Variants in SALL1 observed in about 807,000 individuals in gnomAD.
The protein encoded by SALL1 is sal-like protein 1.
A neutral mutation model predicts 73.1 loss-of-function variants in SALL1; 10 were observed. The observed-to-expected ratio is 0.14, with a 90% CI of 0.08 to 0.23. SALL1 has a LOEUF of 0.23. SALL1 is among the 10% of genes least tolerant of loss of function. The pLI, the probability that SALL1 is intolerant of heterozygous loss-of-function variation, is 1.00. For synonymous variants in SALL1, 688 were observed against 689.8 expected (o/e 1.00, Z 0.04); for missense variants, 1,520 against 1,697.3 (o/e 0.90, Z 1.84).
Position 51,140,442 on chromosome 16 carries a change from C to A in SALL1, c.1780G>T (p.Asp594Tyr), listed in dbSNP as rs774380181. Residue 594 changes from aspartate to tyrosine, a missense_variant, in exon 2 of 3, where the codon GAC (aspartate) becomes TAC (tyrosine). Physicochemically the swap from Asp to Tyr is radical, Grantham distance 160. This residue lies in a region of SALL1 where 276 missense variants were observed against 259.1 expected (regional missense o/e 1.07). Coordinates refer to ENST00000251020, the MANE Select transcript of SALL1 (RefSeq NM_002968.3). The surrounding 1 kb of genome is among the most constrained non-coding windows in gnomAD (Gnocchi z 5.7). ...GTGGCTGACTCAGGGCCCCCGGAGT[C>A]ACTTTTGACTGAGCCTGGGGGGCTG... Reference protein sequence around the residue: ...ATSPPGSVKSDSGGPESATRN... With the variant: ...ATSPPGSVKSYSGGPESATRN... The A allele has an allele frequency of 1.2e-6, 2 of 1,613,898 alleles. No homozygotes were observed. Among genetic ancestry groups the A allele is most frequent in the Non-Finnish European group, 1.7e-6 (2 of 1,179,892 alleles).
Position 51,140,275 on chromosome 16 carries a change from G to C in SALL1, c.1947C>G (p.Cys649Trp). ...AGGTGGTGGCACTGCCCGCGGGGCCGCAGTCTGCCGCTGGGGAGCTCAGGA... is the reference window on the plus strand; with the variant it reads ...AGGTGGTGGCACTGCCCGCGGGGCCCCAGTCTGCCGCTGGGGAGCTCAGGA... ...SSVLSSPAAD[C>W]GPAGSATTFT... The change falls in exon 2 of 3, where the codon TGC becomes TGG. Residue 649 changes from cysteine to tryptophan, a missense_variant. By Grantham distance (215) the Cys-to-Trp change is radical. Coordinates refer to ENST00000251020, the MANE Select transcript of SALL1 (RefSeq NM_002968.3). This position sits in a 1 kb window ranked among gnomAD's most constrained non-coding sequence, Gnocchi z 5.7. 6.2e-7 allele frequency: 1 copy of C among 1,614,102 alleles called. No individual in the cohort carries two copies. Among genetic ancestry groups the C allele is most frequent in the Non-Finnish European group, 8.5e-7 (1 of 1,180,040 alleles).
At chr16:51,137,636 CTG>C (rs1372392467) in intron 2 of SALL1, 84 bp from the exon 3 acceptor site, 8 of 1,031,952 alleles carry the variant, frequency 7.8e-6, no homozygotes, top group African/African-American at 1.6e-5. Flanking sequence ...ATAGCTGAAT[CTG>C]TCTCAACTCA....
intron 1 of SALL1, among the ~76,000 whole-genome samples, chr16:51,145,449 T>C (rs958568905): frequency 3.9e-5 from 6 of 152,120 alleles, no homozygotes; most frequent in African/African-American, 1.4e-4. Context: ...CCTAGTCAGA[T>C]AGCAAAATTT....
In SALL1 at chr16:51,139,370, G is replaced by C. The variant is rs766899404; in HGVS notation, c.2852C>G (p.Ala951Gly). Residue 951 changes from alanine to glycine, a missense_variant, in exon 2 of 3, where the codon GCG (alanine) becomes GGG (glycine). Coordinates refer to ENST00000251020, the MANE Select transcript of SALL1 (RefSeq NM_002968.3). ...SPSIEEKPQR[A>G]VPSEFANGLS... ...ACCATTGGCAAACTCGCTTGGGACC[G>C]CTCTCTGTGGTTTCTCCTCAATGCT... is the stretch of plus-strand genomic sequence containing the variant. 5 of 1,614,122 alleles carry C rather than the reference G, an allele frequency of 3.1e-6. No homozygotes were observed. The South Asian group carries it at 5.5e-5, about 18-fold the overall frequency.
chr16:51,145,243 C>CAT (rs3037202), intron 1 of SALL1, among the ~76,000 whole-genome samples: 13 of 142,806 alleles, frequency 9.1e-5, no homozygotes, highest in Non-Finnish European at 2.0e-4. Context: ...CACACACACA[C>CAT]GTACACACGA....
At chr16:51,150,838 G>C (rs1460923454) in intron 1 of SALL1, 2 of 260,882 alleles carry the variant, frequency 7.7e-6, no homozygotes, top group African/African-American at 4.4e-5. Context: ...GGGCTCCCGG[G>C]TCTTGGCCGC....
intron 2 of SALL1, 49 bp from the exon 3 acceptor site, chr16:51,137,601 A>G: frequency 6.9e-7 from 1 of 1,445,028 alleles, no homozygotes; most frequent in Non-Finnish European, 9.7e-7. Flanking sequence ...AGAGAGAAAA[A>G]AAAGAGGAGG....
chr16:51,138,366 G>GCCGT (rs1555474845), intron 2 of SALL1, among the ~76,000 whole-genome samples: 70 of 152,172 alleles, frequency 4.6e-4, no homozygotes, highest in Admixed American at 2.3e-3. Context: ...GCAACGCTAG[G>GCCGT]CTTTCTTGGT....
At chr16:51,144,638 T>A (rs2143459672) in intron 1 of SALL1, among the ~76,000 whole-genome samples, 2 of 152,302 alleles carry the variant, frequency 1.3e-5, no homozygotes, top group South Asian at 4.1e-4. Flanking sequence ...TCTGATATTC[T>A]CATAATATAC....
In SALL1 at chr16:51,141,254, T is replaced by C; in HGVS notation, c.968A>G (p.Gln323Arg). 1 of 1,614,168 alleles carries C rather than the reference T, an allele frequency of 6.2e-7. No individual in the cohort carries two copies. The change falls in exon 2 of 3, where the codon CAG (glutamine) becomes CGG (arginine). Residue 323 changes from glutamine to arginine, a missense_variant. Transcript: ENST00000251020. This position sits in a 1 kb window ranked among gnomAD's most constrained non-coding sequence, Gnocchi z 5.4. ...VKQLPPIQLP[Q>R]SSSGNTIIPS... ...AATGATGGTGTTGCCAGAACTGCTC[T>C]GAGGTAGCTGGATTGGGGGTAGCTG...
rs375357921 is a variant in SALL1, at chr16:51,138,895, C to T, written c.3327G>A (p.Pro1109=). ...DSKDTPTSHV[P]SGPLSSSATS... is the part of the protein sequence containing the mutation. ...TGGCAGAGGAAGACAGAGGCCCAGA[C>T]GGGACGTGACTGGTGGGGGTGTCCT... Residue 1109 remains proline (P), a synonymous_variant, in exon 2 of 3, where the codon CCG becomes CCA. Coordinates refer to ENST00000251020, the MANE Select transcript of SALL1 (RefSeq NM_002968.3). 37 of 1,614,116 alleles carry T rather than the reference C, an allele frequency of 2.3e-5. No individual in the cohort carries two copies. The highest frequency in any genetic ancestry group is 1.1e-4 in the East Asian group (5 of 44,866).
At chr16:51,152,057 G>C (rs1261367712), upstream of SALL1, 1 of 145,712 alleles carries the variant, frequency 6.9e-6, no homozygotes, top group Admixed American at 6.8e-5. Context: ...CCCCACGCCG[G>C]TCCGCCTCCC....
chr16:51,150,818 A>G, intron 1 of SALL1: 1 of 221,980 alleles, frequency 4.5e-6, no homozygotes, highest in Middle Eastern at 1.5e-3. Flanking sequence ...ACCCGCACCC[A>G]CGCCTCATGG....
At position 51,137,060 on chromosome 16, in the gene SALL1, A is replaced by G. The variant is rs1962311331; in HGVS notation, c.*52T>C. On this transcript the variant is annotated 3_prime_UTR_variant, in exon 3 of 3. Coordinates refer to ENST00000251020, the MANE Select transcript of SALL1 (RefSeq NM_002968.3). ...GGGGGGCAAGGAGTAGGAGGCCACCATAGGTCGCATTCTGAACAGGAATGA... is the reference window on the plus strand; with the variant it reads ...GGGGGGCAAGGAGTAGGAGGCCACCGTAGGTCGCATTCTGAACAGGAATGA... The G allele has an allele frequency of 6.4e-7, 1 of 1,574,294 alleles. No homozygotes were observed. Among genetic ancestry groups the G allele is most frequent in the Non-Finnish European group, 8.7e-7 (1 of 1,146,406 alleles).
chr16:51,145,405 A>G (rs1045631795), intron 1 of SALL1, among the ~76,000 whole-genome samples: 1 of 152,098 alleles, frequency 6.6e-6, no homozygotes, highest in Non-Finnish European at 1.5e-5. Flanking sequence ...TTCCTTTTCT[A>G]TGGATTTTGC....
chr16:51,140,409 G>A lies in SALL1; in HGVS notation c.1813C>T (p.Leu605=), dbSNP rs1309673430. Residue 605 remains leucine, a synonymous_variant, in exon 2 of 3, where the codon CTA becomes TTA. Transcript: ENST00000251020. This position sits in a 1 kb window ranked among gnomAD's most constrained non-coding sequence, Gnocchi z 5.7. ...SGGPESATRN[L]GGLPEEAEGS... is the part of the protein sequence containing the mutation. ...TCGGCTTCCTCTGGGAGCCCACCTA[G>A]GTTTCTTGTGGCTGACTCAGGGCCC... The A allele has an allele frequency of 1.5e-5, 24 of 1,614,116 alleles. No homozygotes were observed. Among genetic ancestry groups the A allele is most frequent in the African/African-American group, 2.7e-5 (2 of 75,056 alleles).
In SALL1 at chr16:51,139,797, C is replaced by T; in HGVS notation, c.2425G>A (p.Asp809Asn). Residue 809 changes from aspartate (D) to asparagine (N), a missense_variant, in exon 2 of 3, where the codon GAC (aspartate) becomes AAC (asparagine). By Grantham distance (23) the Asp-to-Asn change is conservative. Coordinates refer to ENST00000251020, the MANE Select transcript of SALL1 (RefSeq NM_002968.3). The part of the protein sequence containing the change: ...PDSYSESMES[D>N]TGSFDEKNFD... ...TTTTTCTCATCAAAGGAACCTGTGT[C>T]AGACTCCATGGACTCAGAGTAGCTG... 1 of 1,614,184 alleles carries T rather than the reference C, an allele frequency of 6.2e-7. No homozygotes were observed.
At position 51,137,330 on chromosome 16, in the gene SALL1, A is replaced by T. The variant is rs751087975; in HGVS notation, c.3757T>A (p.Ser1253Thr). The T allele has an allele frequency of 6.2e-7, 1 of 1,614,100 alleles. No individual in the cohort carries two copies. Among genetic ancestry groups the T allele is most frequent in the Admixed American group, 1.7e-5 (1 of 60,008 alleles). Residue 1253 changes from serine (S) to threonine (T), a missense_variant, in exon 3 of 3, where the codon TCC (serine) becomes ACC (threonine). Physicochemically the swap from Ser to Thr is moderately conservative, Grantham distance 58. Around this residue, in one of 7 missense-constraint regions of SALL1, gnomAD observed 318 missense variants for 357.1 expected, o/e 0.89. Coordinates refer to ENST00000251020, the MANE Select transcript of SALL1 (RefSeq NM_002968.3). ...NGLAMKANEI[S>T]VIQNGGIPPI... ...GGGATGCCACCGTTCTGAATGACGG[A>T]GATCTCGTTGGCCTTCATCGCCAGC...
intron 1 of SALL1, among the ~76,000 whole-genome samples, chr16:51,145,435 C>T (rs898386255): frequency 1.3e-5 from 2 of 152,026 alleles, no homozygotes; most frequent in Non-Finnish European, 2.9e-5. Flanking sequence ...ATTTTGTAAG[C>T]AACCCTAGTC....
Sources: allele counts gnomAD v4.1 joint callset (sites outside exome capture counted in the v4.1 genomes callset), GRCh38; gene constraint gnomAD v4.1.1; regional missense constraint gnomAD v4.1.1; non-coding constraint Gnocchi (gnomAD v3.1); transcripts MANE v1.5; gene names NCBI Gene and HGNC (gene_info 2026-07-23, HGNC 2026-07-21).